Variants in DZIP1 observed in about 807,000 individuals in gnomAD.
DZIP1 encodes cilium assembly protein DZIP1.
DZIP1 carries 97 observed loss-of-function variants against 107.6 expected under a neutral mutation model. The ratio of observed to expected loss-of-function variants is 0.90; its 90% CI spans 0.77 to 1.07. The LOEUF (loss-of-function observed/expected upper bound fraction) is 1.07, where lower values mean the gene tolerates loss of function less well. Among genes scored for constraint, DZIP1 ranks in the 50% least tolerant of loss-of-function variants. The pLI is 0.00. For missense variants in DZIP1, 1,035 were observed against 1,063.6 expected, an observed-to-expected ratio of 0.97 and a Z score of 0.37; for synonymous variants, 390 against 386.4, an observed-to-expected ratio of 1.01 and a Z score of -0.11.
chr13:95,631,605 G>A (rs1281787823), intron 6 of DZIP1, among the ~76,000 whole-genome samples: 1 of 152,066 alleles, frequency 6.6e-6, no homozygotes, highest in Non-Finnish European at 1.5e-5. Context: ...AGAAAACCTG[G>A]CTCCTTGGTA....
rs1220741631 is a variant in DZIP1 at position 95,622,257 on chromosome 13, C to T, written c.1110+86G>A. ...TCAGGGTTACTAAAAAAGACAAACA[C>T]TTTTTCTGCAGATGACACTCACTGT... On this transcript the variant is annotated intron_variant, in intron 9 of 22. Transcript: ENST00000376829. 3.2e-6 allele frequency: 5 copies of T among 1,562,212 alleles called. No individual in the cohort carries two copies. The African/African-American group carries it at 5.4e-5, about 17-fold the overall frequency.
At position 95,603,285 on chromosome 13, in the gene DZIP1, C is replaced by T. The variant is rs550279366; in HGVS notation, c.1477+2718G>A. ...TCATATCACCACATTCCAGCCTGGG[C>T]GACAGAGAAATGCCCAGTCTCAAAA... On this transcript the variant is annotated intron_variant, in intron 14 of 22. Transcript: ENST00000376829. 1.0e-4 allele frequency among the ~76,000 whole-genome samples: 11 copies of T among 107,650 alleles called. No homozygotes were observed. In the East Asian group the frequency reaches 1.8e-3, roughly 18 times the overall value. The allele number at this position is 107,650 out of a possible 152,430, so 70.6% of individuals were successfully genotyped here. A position where few individuals can be genotyped will look rare whatever the true frequency, so the allele number is the denominator to read the frequency against.
intron 14 of DZIP1, among the ~76,000 whole-genome samples, chr13:95,604,078 G>A (rs994846648): frequency 2.0e-5 from 3 of 152,166 alleles, no homozygotes; most frequent in African/African-American, 7.2e-5. Context: ...GCTGGCTGAG[G>A]CCTCCACTGT....
chr13:95,591,376 G>C (rs569566059), intron 16 of DZIP1, among the ~76,000 whole-genome samples: 17 of 152,330 alleles, frequency 1.1e-4, no homozygotes, highest in African/African-American at 4.1e-4. Context: ...GACAATTTGA[G>C]AAAAGTCATC....
Position 95,614,125 on chromosome 13 carries a change from C to CAAAA in DZIP1, c.1174-1952_1174-1949dup, listed in dbSNP as rs11327779. Among the ~76,000 whole-genome samples the CAAAA allele has an allele frequency of 8.2e-5, 6 of 73,416 alleles. No individual in the cohort carries two copies. The East Asian group carries it at 1.8e-3, about 22-fold the overall frequency. The allele number at this position is 73,416 out of a possible 152,430, so 48.2% of individuals were successfully genotyped here. On this transcript the variant is annotated intron_variant, in intron 10 of 22. Transcript: ENST00000376829. ...CCGGTGACAGAGTAAGACCCTGTCT[C>CAAAA]AAAAAAAAAAAAAAAAAAAAAAGCA... is the stretch of plus-strand genomic sequence containing the variant.
intron 6 of DZIP1, among the ~76,000 whole-genome samples, chr13:95,631,897 G>A (rs917606924): frequency 6.6e-6 from 1 of 152,244 alleles, no homozygotes. Flanking sequence ...TGAAGCTGCT[G>A]TGCCAAGGTC....
chr13:95,622,221 G>T, intron 9 of DZIP1, 122 bp downstream of exon 9: 1 of 1,239,254 alleles, frequency 8.1e-7, no homozygotes, highest in Non-Finnish European at 1.1e-6. Flanking sequence ...AAAAATAACA[G>T]CTAGTCACCT....
intron 15 of DZIP1, among the ~76,000 whole-genome samples, chr13:95,595,852 C>A (rs563499075): frequency 2.6e-4 from 39 of 152,296 alleles, no homozygotes; most frequent in Middle Eastern, 3.4e-3. Context: ...CAGGGGCAAG[C>A]GATGCCTGGA....
chr13:95,583,089 T>A (rs2044054422), intron 22 of DZIP1, among the ~76,000 whole-genome samples: 1 of 152,068 alleles, frequency 6.6e-6, no homozygotes, highest in Admixed American at 6.6e-5. Context: ...GGCGAGAGGC[T>A]GCTGAAAATG....
intron 17 of DZIP1, 69 bp from the exon 18 acceptor site, chr13:95,590,001 G>T (rs537250461): frequency 3.2e-5 from 50 of 1,549,226 alleles, no homozygotes; most frequent in Non-Finnish European, 3.9e-5. Flanking sequence ...AAAGGTAAAC[G>T]GTATAATACC....
intron 14 of DZIP1, among the ~76,000 whole-genome samples, chr13:95,600,172 A>G (rs1441761407): frequency 1.3e-5 from 2 of 152,148 alleles, no homozygotes; most frequent in Non-Finnish European, 2.9e-5. Flanking sequence ...CTACCAACTG[A>G]AGGAAATTTC....
At chr13:95,592,045 T>C (rs914084846) in intron 16 of DZIP1, among the ~76,000 whole-genome samples, 13 of 152,116 alleles carry the variant, frequency 8.5e-5, no homozygotes, top group Admixed American at 4.6e-4. Flanking sequence ...CAAATCCAAA[T>C]GTATATAGGG....
intron 12 of DZIP1, among the ~76,000 whole-genome samples, chr13:95,610,109 T>TGA (rs1434649198): frequency 5.3e-4 from 67 of 125,672 alleles, no homozygotes; most frequent in South Asian, 2.6e-3. Context: ...TGTGTGTGTG[T>TGA]GTGAGAGAGA....
At chr13:95,606,497 C>T (rs553648885) in intron 13 of DZIP1, among the ~76,000 whole-genome samples, 8 of 152,318 alleles carry the variant, frequency 5.3e-5, no homozygotes, top group African/African-American at 1.9e-4. Context: ...AGTATGTGGT[C>T]CCTTGCGTCT....
At chr13:95,629,079 A>C (rs1281524420) in intron 7 of DZIP1, among the ~76,000 whole-genome samples, 1 of 152,250 alleles carries the variant, frequency 6.6e-6, no homozygotes, top group African/African-American at 2.4e-5. Context: ...AGCCTCTGTC[A>C]ATGATTCTGT....
At chr13:95,642,341 T>C (rs1479961795) in intron 3 of DZIP1, 100 bp from the exon 4 acceptor site, 1 of 326,840 alleles carries the variant, frequency 3.1e-6, no homozygotes, top group Non-Finnish European at 5.5e-6. Flanking sequence ...GGCGCCACCC[T>C]CCCTGGCGTT....
intron 6 of DZIP1, among the ~76,000 whole-genome samples, chr13:95,630,386 G>A (rs1305783289): frequency 6.6e-6 from 1 of 152,104 alleles, no homozygotes; most frequent in Non-Finnish European, 1.5e-5. Context: ...TCTTCAGGGA[G>A]CAATAATGGT....
rs116915893 is a variant in DZIP1, at chr13:95,618,808, T to A, written c.1173+1077A>T. 9.6e-3 allele frequency among the ~76,000 whole-genome samples: 1,457 copies of A among 152,346 alleles called. 15 individuals are homozygous for A. Among genetic ancestry groups the A allele is most frequent in the Middle Eastern group, 0.045 (13 of 292 alleles). On this transcript the variant is annotated intron_variant, in intron 10 of 22. Transcript: ENST00000376829. ...GAAAATGTGCAAAAGAGGAAACATT[T>A]TTTCCATTCAGAAAAGATTTACAAG...
intron 18 of DZIP1, 83 bp downstream of exon 18, chr13:95,589,719 GC>G: frequency 6.7e-7 from 1 of 1,499,384 alleles, no homozygotes. Context: ...TTTCTGTGAA[GC>G]CACCCAGTCT....
Sources: allele counts gnomAD v4.1 joint callset (sites outside exome capture counted in the v4.1 genomes callset), GRCh38; gene constraint gnomAD v4.1.1; transcripts MANE v1.5; gene names NCBI Gene and HGNC (gene_info 2026-07-23, HGNC 2026-07-21).